AGTPBP1: variants seen among roughly 807,000 people sequenced by gnomAD.
The protein encoded by AGTPBP1 is cytosolic carboxypeptidase 1.
AGTPBP1 carries 70 observed loss-of-function variants against 143.9 expected under a neutral mutation model. The observed-to-expected ratio is 0.49, with a 90% CI of 0.40 to 0.59. The LOEUF (loss-of-function observed/expected upper bound fraction) is 0.59, where lower values mean the gene tolerates loss of function less well. Ranked by LOEUF, AGTPBP1 falls within the 20% of genes least tolerant of loss-of-function variation. The pLI, the probability that AGTPBP1 is intolerant of heterozygous loss-of-function variation, is 0.00. For missense variants in AGTPBP1, 1,229 were observed against 1,464.5 expected (o/e 0.84, Z 2.62); for synonymous variants, 463 against 500.2 (o/e 0.93, Z 0.99).
intron 17 of AGTPBP1, among the ~76,000 whole-genome samples, chr9:85,602,829 G>A (rs1564054252): frequency 2.6e-5 from 4 of 152,228 alleles, no homozygotes; most frequent in Admixed American, 2.6e-4. Context: ...GCCACATGGA[G>A]CAGAGAATCT....
intron 17 of AGTPBP1, among the ~76,000 whole-genome samples, chr9:85,611,537 GA>G (rs5898914): frequency 0.19 from 29,020 of 150,726 alleles, 3,622 homozygotes; most frequent in East Asian, 0.51. Flanking sequence ...TATTAAAATA[GA>G]AAAAAAAAGT....
At chr9:85,632,584 C>A in intron 14 of AGTPBP1, 78 bp downstream of exon 14, 1 of 1,258,264 alleles carries the variant, frequency 7.9e-7, no homozygotes, top group East Asian at 2.4e-5. Flanking sequence ...TTCCTAAATG[C>A]CCAAAGTAAT....
chr9:85,789,461 C>CT, the AGTPBP1 span, among the ~76,000 whole-genome samples: 1 of 151,858 alleles, frequency 6.6e-6, no homozygotes, highest in African/African-American at 2.4e-5. Flanking sequence ...CTTTTTTCCT[C>CT]TAACTGTAAT....
intron 25 of AGTPBP1, among the ~76,000 whole-genome samples, chr9:85,550,908 T>A (rs897411299): frequency 2.6e-5 from 4 of 152,136 alleles, no homozygotes; most frequent in Non-Finnish European, 2.9e-5. Context: ...GTGTGGCCAC[T>A]CCAAATCTCA....
At chr9:85,741,624 G>A (rs1824288225) in intron 1 of AGTPBP1, 151 bp downstream of exon 1, 11 of 1,240,656 alleles carry the variant, frequency 8.9e-6, no homozygotes, top group Non-Finnish European at 1.1e-5. Context: ...CGTCACATGT[G>A]TAACATGCGT....
chr9:85,751,080 T>C, the AGTPBP1 span, among the ~76,000 whole-genome samples: 1 of 152,222 alleles, frequency 6.6e-6, no homozygotes, highest in Non-Finnish European at 1.5e-5. Flanking sequence ...GCAGTCTGCA[T>C]TTTCTCTCCT....
intron 1 of AGTPBP1, among the ~76,000 whole-genome samples, chr9:85,725,387 G>A (rs1309819849): frequency 3.3e-5 from 5 of 152,144 alleles, no homozygotes; most frequent in African/African-American, 1.2e-4. Flanking sequence ...TAACAATTGT[G>A]TTAGAAATTA....
upstream of AGTPBP1, chr9:85,742,179 G>T: frequency 2.6e-6 from 1 of 387,124 alleles, no homozygotes; most frequent in Non-Finnish European, 3.8e-6. Flanking sequence ...GGCGGAGCGC[G>T]CACGGGAGCG....
At chr9:85,671,845 G>A (rs1834500223) in intron 7 of AGTPBP1, among the ~76,000 whole-genome samples, 1 of 152,100 alleles carries the variant, frequency 6.6e-6, no homozygotes, top group African/African-American at 2.4e-5. Flanking sequence ...CTTCCCTATT[G>A]ATTGCTGAAG....
the AGTPBP1 span, among the ~76,000 whole-genome samples, chr9:85,759,467 T>G: frequency 6.6e-6 from 1 of 151,812 alleles, no homozygotes; most frequent in South Asian, 2.1e-4. Context: ...ATTAAGAAAC[T>G]CACTCAAAAC....
upstream of AGTPBP1, among the ~76,000 whole-genome samples, chr9:85,744,291 G>A (rs756223031): frequency 1.5e-4 from 23 of 152,160 alleles, 1 homozygote; most frequent in Non-Finnish European, 2.9e-4. Context: ...GAACAACTAG[G>A]TTTTAATAGT....
rs929782658 is a variant in AGTPBP1, at chr9:85,657,434, C to T, written c.909+1G>A. The stretch of plus-strand genomic sequence containing the variant: ...ACAATAATAAGAAGAAAATAACTCA[C>T]TTGCGAAGTATTATACAGAATTTTC... On this transcript the variant is annotated splice_donor_variant, in intron 10 of 25. Coordinates refer to ENST00000357081, the MANE Select transcript of AGTPBP1 (RefSeq NM_001330701.2). LOFTEE classifies it high-confidence loss of function. 6.2e-7 allele frequency: 1 copy of T among 1,606,306 alleles called. No homozygotes were observed. The highest frequency in any genetic ancestry group is 8.5e-7 in the Non-Finnish European group (1 of 1,175,954).
intron 3 of AGTPBP1, among the ~76,000 whole-genome samples, chr9:85,682,692 G>A (rs1477903991): frequency 6.6e-6 from 1 of 152,178 alleles, no homozygotes; most frequent in East Asian, 1.9e-4. Flanking sequence ...TCCACATGGA[G>A]ATAGTCAAGG....
rs188655586 is a variant in AGTPBP1, at chr9:85,633,370, T to G, written c.1307A>C (p.Tyr436Ser). ...FPELVDDFQDYDLISKEPKPF... is the reference protein window; with the variant it reads ...FPELVDDFQDSDLISKEPKPF... ...CTTTGGTTCTTTGGAGATTAAATCA[T>G]AGTCCTTTGAAAATAAAAACATGTT... Residue 436 changes from tyrosine to serine, a missense_variant, in exon 14 of 26, where the codon TAT becomes TCT. Physicochemically the swap from Tyr to Ser is moderately radical, Grantham distance 144. Around this residue, in one of 2 missense-constraint regions of AGTPBP1, gnomAD observed 743 missense variants for 812.2 expected, o/e 0.91. Coordinates refer to ENST00000357081, the MANE Select transcript of AGTPBP1 (RefSeq NM_001330701.2). 6.5e-7 allele frequency: 1 copy of G among 1,547,460 alleles called. No individual in the cohort carries two copies. The highest frequency in any genetic ancestry group is 2.2e-5 in the Admixed American group (1 of 44,748).
chr9:85,639,398 C>CAT (rs1286529197), intron 13 of AGTPBP1, among the ~76,000 whole-genome samples: 3 of 150,298 alleles, frequency 2.0e-5, no homozygotes, highest in South Asian at 2.1e-4. Flanking sequence ...CACACACACA[C>CAT]ATATGAAAAG....
intron 12 of AGTPBP1, among the ~76,000 whole-genome samples, chr9:85,644,255 CTT>C (rs1178532788): frequency 6.6e-6 from 1 of 151,574 alleles, no homozygotes; most frequent in Admixed American, 6.6e-5. Flanking sequence ...AATTTAATCT[CTT>C]TAAATTATAC....
chr9:85,747,282 A>G, the AGTPBP1 span, among the ~76,000 whole-genome samples: 2 of 152,224 alleles, frequency 1.3e-5, no homozygotes, highest in African/African-American at 2.4e-5. Context: ...TTGTAGGATT[A>G]TATTAAGTCT....
chr9:85,730,266 G>C (rs1358789041), intron 1 of AGTPBP1, among the ~76,000 whole-genome samples: 1 of 152,174 alleles, frequency 6.6e-6, no homozygotes, highest in Non-Finnish European at 1.5e-5. Flanking sequence ...GCCAGATATT[G>C]ATTTATTGCC....
chr9:85,734,690 AGTATGAAG>A (rs1839121948), intron 1 of AGTPBP1, among the ~76,000 whole-genome samples: 2 of 152,254 alleles, frequency 1.3e-5, no homozygotes, highest in Admixed American at 1.3e-4. Context: ...TATGAAAAAC[AGTATGAAG>A]GTTCCTTGAA....
Sources: allele counts gnomAD v4.1 joint callset (sites outside exome capture counted in the v4.1 genomes callset), GRCh38; gene constraint gnomAD v4.1.1; regional missense constraint gnomAD v4.1.1; transcripts MANE v1.5; gene names NCBI Gene and HGNC (gene_info 2026-07-23, HGNC 2026-07-21).